The following CREBBP variants were observed in gnomAD, a reference collection of about 807,000 sequenced individuals.
CREBBP encodes CREB-binding protein.
Under a neutral mutation model 265.0 loss-of-function variants are expected in CREBBP, and 19 were observed. The ratio of observed to expected loss-of-function variants is 0.07; its 90% CI spans 0.05 to 0.11. The LOEUF is 0.11. Ranked by LOEUF, CREBBP falls within the 10% of genes least tolerant of loss-of-function variation. The pLI is 1.00. For synonymous variants in CREBBP, 1,457 were observed against 1,223.7 expected, an observed-to-expected ratio of 1.19 and a Z score of -3.98; for missense variants, 2,525 against 3,219.0, an observed-to-expected ratio of 0.78 and a Z score of 5.22.
chr16:3,819,945 C>T (rs2054110033), intron 2 of CREBBP, among the ~76,000 whole-genome samples: 1 of 152,156 alleles, frequency 6.6e-6, no homozygotes, highest in Non-Finnish European at 1.5e-5. Context: ...GTGGCTTCAG[C>T]CTAACCTGAC....
intron 1 of CREBBP, among the ~76,000 whole-genome samples, chr16:3,853,176 G>A (rs779439612): frequency 5.3e-5 from 8 of 152,110 alleles, no homozygotes; most frequent in Non-Finnish European, 2.9e-5. Flanking sequence ...ACCTCATAAC[G>A]CTGTTGTGAG....
At chr16:3,813,899 G>A (rs1370174691) in intron 2 of CREBBP, among the ~76,000 whole-genome samples, 1 of 152,202 alleles carries the variant, frequency 6.6e-6, no homozygotes, top group Non-Finnish European at 1.5e-5. Context: ...AAGGGGTGGG[G>A]AAGGGAACAG....
intron 12 of CREBBP, among the ~76,000 whole-genome samples, 186 bp from the exon 13 acceptor site, chr16:3,774,116 C>T (rs965310489): frequency 1.3e-5 from 2 of 152,218 alleles, no homozygotes; most frequent in Admixed American, 6.5e-5. Flanking sequence ...GGGCACCTTA[C>T]ACACTTTCTC....
intron 2 of CREBBP, among the ~76,000 whole-genome samples, chr16:3,816,562 C>T (rs1221913744): frequency 2.6e-5 from 4 of 152,100 alleles, no homozygotes; most frequent in South Asian, 2.1e-4. Context: ...CCTGTGGCTG[C>T]GGGTCTGAAC....
intron 5 of CREBBP, among the ~76,000 whole-genome samples, chr16:3,790,950 T>C (rs1478553407): frequency 6.6e-6 from 1 of 152,148 alleles, no homozygotes; most frequent in Non-Finnish European, 1.5e-5. Flanking sequence ...GCAGCACATG[T>C]TCTCCAGGCA....
rs58324078 is a variant in CREBBP at position 3,830,843 on chromosome 16, G to A, written c.798+19454C>T. On this transcript the variant is annotated intron_variant, in intron 2 of 30. Transcript: ENST00000262367. ...CGTACCCAGGCTGAAGTGCAGTGGC[G>A]CGATCTCAGCTCACTGTAACCTCTA... Among the ~76,000 whole-genome samples, 1,228 of 152,214 alleles carry A rather than the reference G, an allele frequency of 8.1e-3. 23 individuals are homozygous for A. The highest frequency in any genetic ancestry group is 0.028 in the African/African-American group (1,158 of 41,514).
At chr16:3,740,679 G>T in intron 23 of CREBBP, 130 bp from the exon 24 acceptor site, 1 of 1,081,888 alleles carries the variant, frequency 9.2e-7, no homozygotes, top group South Asian at 1.3e-5. Flanking sequence ...TCCAAACACG[G>T]AAGAAATCTA....
chr16:3,771,078 T>A (rs2052996703), intron 13 of CREBBP, 92 bp from the exon 14 acceptor site: 6 of 1,493,758 alleles, frequency 4.0e-6, no homozygotes, highest in Non-Finnish European at 5.5e-6. Context: ...AAAAAAAAAT[T>A]TTTTTTTTTG....
chr16:3,879,234 GCACA>G (rs77377127), intron 1 of CREBBP, among the ~76,000 whole-genome samples: 16 of 150,720 alleles, frequency 1.1e-4, no homozygotes, highest in African/African-American at 3.4e-4. Flanking sequence ...ACACACGCGC[GCACA>G]CACACACACA....
intron 1 of CREBBP, among the ~76,000 whole-genome samples, chr16:3,851,731 G>A (rs994094553): frequency 5.9e-5 from 9 of 151,664 alleles, no homozygotes; most frequent in African/African-American, 1.9e-4. Flanking sequence ...GCGGGCGCCT[G>A]TAGTCCCAGC....
At chr16:3,758,217 A>AT (rs2052633106) in intron 17 of CREBBP, among the ~76,000 whole-genome samples, 169 bp from the exon 18 acceptor site, 1 of 152,186 alleles carries the variant, frequency 6.6e-6, no homozygotes, top group African/African-American at 2.4e-5. Context: ...GACGCAACTG[A>AT]TTTTACTCAC....
At chr16:3,797,471 T>C (rs754521351) in intron 3 of CREBBP, among the ~76,000 whole-genome samples, 2 of 152,314 alleles carry the variant, frequency 1.3e-5, no homozygotes, top group South Asian at 2.1e-4. Flanking sequence ...TACTGTATTA[T>C]TTCCTATACA....
intron 11 of CREBBP, among the ~76,000 whole-genome samples, chr16:3,775,690 A>G (rs781768835): frequency 6.6e-6 from 1 of 152,242 alleles, no homozygotes; most frequent in Admixed American, 6.5e-5. Context: ...AAAAACAATT[A>G]CTAAGGAACA....
intron 2 of CREBBP, among the ~76,000 whole-genome samples, chr16:3,849,436 T>C (rs1567360310): frequency 4.4e-4 from 5 of 11,410 alleles, no homozygotes; most frequent in African/African-American, 6.1e-4. Flanking sequence ...TGTGTGTGTG[T>C]GTGTGTGTGT....
At chr16:3,821,590 T>C (rs1038571254) in intron 2 of CREBBP, among the ~76,000 whole-genome samples, 3 of 152,228 alleles carry the variant, frequency 2.0e-5, no homozygotes, top group African/African-American at 7.2e-5. Flanking sequence ...TAAGTCCTAA[T>C]ATTTTTTTTT....
chr16:3,773,537 T>C (rs2053064184), intron 13 of CREBBP: 2 of 579,230 alleles, frequency 3.5e-6, no homozygotes, highest in Non-Finnish European at 6.0e-6. Flanking sequence ...ATTCCCACTT[T>C]TGCATATAGT....
intron 3 of CREBBP, among the ~76,000 whole-genome samples, chr16:3,797,924 T>C (rs1050922556): frequency 2.0e-5 from 3 of 152,034 alleles, no homozygotes; most frequent in Non-Finnish European, 2.9e-5. Context: ...TGCGAGCAAA[T>C]TGGTTGATCT....
At chr16:3,830,218 G>A (rs564956327) in intron 2 of CREBBP, among the ~76,000 whole-genome samples, 20 of 152,088 alleles carry the variant, frequency 1.3e-4, no homozygotes, top group South Asian at 1.2e-3. Flanking sequence ...GAAACATGGT[G>A]AAACCCTGTC....
At chr16:3,878,464 T>C (rs1416662369) in intron 1 of CREBBP, among the ~76,000 whole-genome samples, 3 of 152,262 alleles carry the variant, frequency 2.0e-5, no homozygotes, top group Non-Finnish European at 4.4e-5. Context: ...AATCTCCTTA[T>C]GATTGATCTT....
Sources: allele counts gnomAD v4.1 joint callset (sites outside exome capture counted in the v4.1 genomes callset), GRCh38; gene constraint gnomAD v4.1.1; transcripts MANE v1.5; gene names NCBI Gene and HGNC (gene_info 2026-07-23, HGNC 2026-07-21).